The following NBPF12 variants were observed in gnomAD, a reference collection of about 807,000 sequenced individuals.
NBPF12 encodes NBPF family member NBPF12.
In NBPF12, 115 loss-of-function variants were observed where a neutral mutation model predicts 146.4. That is an observed-to-expected ratio of 0.79 (90% confidence interval 0.68 to 0.92). The LOEUF is 0.92. Ranked by LOEUF, NBPF12 falls within the 40% of genes least tolerant of loss-of-function variation. The pLI, the probability that NBPF12 is intolerant of heterozygous loss-of-function variation, is 0.00. For missense variants in NBPF12, 1,205 were observed against 1,326.8 expected (o/e 0.91, Z 1.43); for synonymous variants, 385 against 508.9 (o/e 0.76, Z 3.28).
At chr1:146,963,188 T>G (rs1205940630) in exon 6 of NBPF12, 1 of 1,601,212 alleles carries the variant, frequency 6.2e-7, no homozygotes, top group East Asian at 2.2e-5. Context: ...GCTCATTGAA[T>G]GAGCATCTCC....
At chr1:146,958,006 T>TGTATATATATATATATACATGG (rs1655680022) in intron 2 of NBPF12, among the ~76,000 whole-genome samples, 1 of 122,608 alleles carries the variant, frequency 8.2e-6, no homozygotes, top group African/African-American at 2.8e-5. Flanking sequence ...TATATACATG[T>TGTATATATATATATATACATGG]GTATATATAA....
intron 4 of NBPF12, among the ~76,000 whole-genome samples, chr1:146,961,907 T>C (rs1278178693): frequency 9.2e-5 from 14 of 152,126 alleles, no homozygotes; most frequent in African/African-American, 2.9e-4. Flanking sequence ...CTGACTCCAC[T>C]TCGTGGTGGT....
In NBPF12 at chr1:146,964,833, C is replaced by T. The variant is rs1449104715; in HGVS notation, c.567-60C>T. 1.2e-4 allele frequency: 198 copies of T among 1,593,614 alleles called. No individual in the cohort carries two copies. The Middle Eastern group carries it at 2.0e-3, about 16-fold the overall frequency. On this transcript the variant is annotated intron_variant, in intron 7 of 33. Transcript: ENST00000617844. ...GCCTGTCAAAACCAGCTAGGACTCCCTGGGGTCCAATCCCTCTGTGTTTAA... is the reference window on the plus strand; with the variant it reads ...GCCTGTCAAAACCAGCTAGGACTCCTTGGGGTCCAATCCCTCTGTGTTTAA...
At chr1:146,945,406 A>G (rs1248446926), upstream of NBPF12, among the ~76,000 whole-genome samples, 1 of 151,524 alleles carries the variant, frequency 6.6e-6, no homozygotes, top group African/African-American at 2.4e-5. Context: ...TGTCCTTACC[A>G]GAACCCTGCA....
intron 11 of NBPF12, 100 bp downstream of exon 14, chr1:146,969,696 T>C (rs1656451023): frequency 7.1e-6 from 11 of 1,557,718 alleles, no homozygotes; most frequent in Non-Finnish European, 9.7e-6. Flanking sequence ...TGGGGTTTTT[T>C]TCTACTACAC....
intron 8 of NBPF12, among the ~76,000 whole-genome samples, chr1:146,966,113 A>G (rs1656189536): frequency 1.3e-5 from 2 of 151,686 alleles, no homozygotes; most frequent in Admixed American, 1.3e-4. Flanking sequence ...TCTCAAACAG[A>G]AAACAAAAAA....
exon 8 of NBPF12, chr1:146,965,063 CCTCTCATGATGA>C (rs1656101788): frequency 6.2e-7 from 1 of 1,606,564 alleles, no homozygotes; most frequent in Non-Finnish European, 8.5e-7. Context: ...GACAGAAAAT[CCTCTCATGATGA>C]ATGTCAGGAT....
intron 1 of NBPF12, among the ~76,000 whole-genome samples, chr1:146,950,054 G>A (rs1452292025): frequency 6.6e-6 from 1 of 152,098 alleles, no homozygotes; most frequent in Non-Finnish European, 1.5e-5. Flanking sequence ...ACGTTAAGAG[G>A]CTTTAGAGAC....
chr1:146,971,419 C>T, intron 13 of NBPF12, 25 bp downstream of exon 16: 4 of 1,582,614 alleles, frequency 2.5e-6, no homozygotes, highest in South Asian at 2.2e-5. Flanking sequence ...CCTTGTGTCT[C>T]ATACCTCTGT....
At chr1:146,957,841 A>AC (rs1199427444) in intron 2 of NBPF12, among the ~76,000 whole-genome samples, 1 of 116,996 alleles carries the variant, frequency 8.5e-6, no homozygotes, top group African/African-American at 3.0e-5. Context: ...AAAAAAATAT[A>AC]ATATATATAT....
At chr1:146,989,364 GTCTCTGTCTCTCTC>G (rs1290449480) in intron 27 of NBPF12, among the ~76,000 whole-genome samples, 196 bp from the exon 31 acceptor site, 858 of 142,216 alleles carry the variant, frequency 6.0e-3, no homozygotes, top group African/African-American at 0.021. Flanking sequence ...CTCTGTCTCT[GTCTCTGTCTCTCTC>G]TCTCTGTCTT....
chr1:146,940,629 C>T (rs1362489629), intron 1 of NBPF12, among the ~76,000 whole-genome samples: 1 of 151,258 alleles, frequency 6.6e-6, no homozygotes, highest in Admixed American at 6.6e-5. Flanking sequence ...TAGAACATTA[C>T]TATATTGGGG....
chr1:146,953,964 G>A (rs1655439242), intron 2 of NBPF12, among the ~76,000 whole-genome samples: 1 of 150,382 alleles, frequency 6.6e-6, no homozygotes, highest in East Asian at 2.0e-4. Flanking sequence ...AGTGAGTTTG[G>A]TAGTGTTGCA....
rs1176310781 is a variant in NBPF12, at chr1:146,940,555, C to CA, written c.-822+1589dup. On this transcript the variant is annotated intron_variant, in intron 1 of 35. Coordinates refer to the NBPF12 transcript ENST00000617931. ...TGGATGGCAGAGTGCAACCCTGCCT[C>CA]AAAAAAAAAAAAAAAAGTACAGGTC... is the stretch of plus-strand genomic sequence containing the variant. 2.5e-3 allele frequency among the ~76,000 whole-genome samples: 338 copies of CA among 132,944 alleles called. 2 individuals carry two copies. The highest frequency in any genetic ancestry group is 6.0e-3 in the African/African-American group (214 of 35,920). The allele number at this position is 132,944 out of a possible 152,430, so 87.2% of individuals were successfully genotyped here.
rs1354719953 is a variant in NBPF12, at chr1:146,942,939, T to C, written c.-821-352T>C. ...AATATTTAGTCAGGACTCTATTTTTTCCCCCCAGGCTGGAGTGCAGTGGTG... is the reference window on the plus strand; with the variant it reads ...AATATTTAGTCAGGACTCTATTTTTCCCCCCCAGGCTGGAGTGCAGTGGTG... On this transcript the variant is annotated intron_variant, in intron 1 of 35. Transcript: ENST00000617931. 3.4e-4 allele frequency among the ~76,000 whole-genome samples: 48 copies of C among 140,516 alleles called. 2 individuals carry two copies. The East Asian group carries it at 4.6e-3, about 14-fold the overall frequency. The allele number at this position is 140,516 out of a possible 152,430, so 92.2% of individuals were successfully genotyped here.
At chr1:146,980,691 A>T (rs1444688096) in intron 19 of NBPF12, among the ~76,000 whole-genome samples, 2 of 151,718 alleles carry the variant, frequency 1.3e-5, no homozygotes, top group African/African-American at 4.9e-5. Flanking sequence ...GGGACTGTAA[A>T]CTAGTTCAAC....
intron 9 of NBPF12, among the ~76,000 whole-genome samples, chr1:146,967,679 G>A (rs1656294039): frequency 1.3e-5 from 2 of 149,768 alleles, no homozygotes; most frequent in African/African-American, 5.0e-5. Flanking sequence ...TGTCTCCTGG[G>A]CTCCATCCAA....
intron 4 of NBPF12, among the ~76,000 whole-genome samples, chr1:146,961,273 C>T (rs1319096944): frequency 2.6e-5 from 4 of 151,716 alleles, no homozygotes; most frequent in Non-Finnish European, 4.4e-5. Context: ...AGATCACACC[C>T]GAGAATGTGT....
At chr1:146,994,363 C>T in exon 34 of NBPF12, 2 of 1,612,164 alleles carry the variant, frequency 1.2e-6, no homozygotes, top group South Asian at 1.1e-5. Flanking sequence ...AGTGGAAGAG[C>T]CTGAAGTCTT....
Sources: allele counts gnomAD v4.1 joint callset (sites outside exome capture counted in the v4.1 genomes callset), GRCh38; gene constraint gnomAD v4.1.1; transcripts MANE v1.5; gene names NCBI Gene and HGNC (gene_info 2026-07-23, HGNC 2026-07-21).